TIMP2: variants seen among roughly 807,000 people sequenced by gnomAD.
TIMP2 encodes TIMP metallopeptidase inhibitor 2, also known as metalloproteinase inhibitor 2.
Under a neutral mutation model 24.3 loss-of-function variants are expected in TIMP2, and 5 were observed. That is an observed-to-expected ratio of 0.21 (90% CI 0.11 to 0.43). The LOEUF (loss-of-function observed/expected upper bound fraction) is 0.43, where lower values mean the gene tolerates loss of function less well. Ranked by LOEUF, TIMP2 falls within the 20% of genes least tolerant of loss-of-function variation. The pLI, the probability that TIMP2 is intolerant of heterozygous loss-of-function variation, is 1.00. For synonymous variants in TIMP2, 130 were observed against 123.2 expected (o/e 1.06, Z -0.37); for missense variants, 221 against 297.5 (o/e 0.74, Z 1.89).
chr17:78,879,054 G>A (rs1409040354), intron 1 of TIMP2, among the ~76,000 whole-genome samples: 1 of 152,216 alleles, frequency 6.6e-6, no homozygotes, highest in East Asian at 1.9e-4. Flanking sequence ...GATCTGCACC[G>A]CTGACCTGCT....
intron 1 of TIMP2, chr17:78,897,428 T>G (rs1188052170): frequency 6.6e-6 from 1 of 152,260 alleles, no homozygotes; most frequent in East Asian, 1.9e-4. Flanking sequence ...ACCAGGTGCA[T>G]AGTCCTGCGG....
intron 1 of TIMP2, among the ~76,000 whole-genome samples, chr17:78,894,993 AAAG>A (rs1382337138): frequency 2.0e-5 from 3 of 152,148 alleles, no homozygotes; most frequent in East Asian, 3.9e-4. Flanking sequence ...AAAATCAGCA[AAAG>A]AAGGACAGGT....
intron 1 of TIMP2, among the ~76,000 whole-genome samples, chr17:78,876,524 A>G (rs2069729371): frequency 6.6e-6 from 1 of 151,356 alleles, no homozygotes; most frequent in Non-Finnish European, 1.5e-5. Context: ...ATTACCATAT[A>G]TATTTTTTTG....
At chr17:78,915,778 C>T (rs2070252362) in intron 1 of TIMP2, among the ~76,000 whole-genome samples, 3 of 152,190 alleles carry the variant, frequency 2.0e-5, no homozygotes, top group Admixed American at 6.5e-5. Flanking sequence ...CCTCGGCCTC[C>T]CCAAGTGCTG....
intron 1 of TIMP2, among the ~76,000 whole-genome samples, chr17:78,881,399 C>G (rs1032942669): frequency 6.6e-6 from 1 of 152,242 alleles, no homozygotes; most frequent in Non-Finnish European, 1.5e-5. Context: ...AAAGACCCTA[C>G]TGGCCCACAT....
At chr17:78,867,567 T>TGAG (rs2069627961) in intron 3 of TIMP2, among the ~76,000 whole-genome samples, 1 of 151,386 alleles carries the variant, frequency 6.6e-6, no homozygotes, top group South Asian at 2.1e-4. Context: ...CTTGGACCTG[T>TGAG]GAGAGTCTCT....
chr17:78,884,933 G>A (rs555626353), intron 1 of TIMP2, among the ~76,000 whole-genome samples: 32 of 152,340 alleles, frequency 2.1e-4, no homozygotes, highest in Admixed American at 1.1e-3. Context: ...GAAGATGGAC[G>A]CCCCAGGGCA....
chr17:78,873,898 C>T lies in TIMP2; in HGVS notation c.152G>A (p.Ser51Asn). 1.2e-6 allele frequency: 2 copies of T among 1,613,470 alleles called. No homozygotes were observed. The highest frequency in any genetic ancestry group is 1.7e-6 in the Non-Finnish European group (2 of 1,180,004). Residue 51 changes from serine (S) to asparagine (N), a missense_variant, in exon 2 of 5, where the codon AGT (serine) becomes AAT (asparagine). Coordinates refer to ENST00000262768, the MANE Select transcript of TIMP2 (RefSeq NM_003255.5). ...GTTTCCAGAGTCCACTTCCTTCTCA[C>T]TGACCGCTTTGGCCCTGATCACTGC... ...ADVVIRAKAV[S>N]EKEVDSGNDI...
At chr17:78,915,374 T>C (rs2070247214) in intron 1 of TIMP2, among the ~76,000 whole-genome samples, 1 of 152,034 alleles carries the variant, frequency 6.6e-6, no homozygotes, top group Non-Finnish European at 1.5e-5. Context: ...CAGGAGCTCC[T>C]CTCCCTCCTC....
At chr17:78,882,624 C>T (rs2889530) in intron 1 of TIMP2, among the ~76,000 whole-genome samples, 119,310 of 152,174 alleles carry the variant, frequency 0.78, 47,144 homozygotes, top group Admixed American at 0.83. Flanking sequence ...AGGATGGGGC[C>T]GACCTCGCCA....
chr17:78,871,590 T>G (rs1423268583), intron 2 of TIMP2, among the ~76,000 whole-genome samples: 2 of 151,972 alleles, frequency 1.3e-5, no homozygotes, highest in East Asian at 3.9e-4. Flanking sequence ...CTCACACCAG[T>G]AATCCCAGCA....
At chr17:78,881,140 A>G (rs2069776371) in intron 1 of TIMP2, among the ~76,000 whole-genome samples, 1 of 152,234 alleles carries the variant, frequency 6.6e-6, no homozygotes, top group African/African-American at 2.4e-5. Flanking sequence ...TTGTGTGCAC[A>G]CTGACTCGGA....
chr17:78,873,585 G>A (rs952483364), intron 2 of TIMP2, among the ~76,000 whole-genome samples: 2 of 152,200 alleles, frequency 1.3e-5, no homozygotes, highest in African/African-American at 2.4e-5. Context: ...GAGCCGCAAC[G>A]CCCGGACAGG....
chr17:78,869,219 A>G (rs988068096), intron 3 of TIMP2, among the ~76,000 whole-genome samples: 11 of 151,656 alleles, frequency 7.3e-5, no homozygotes, highest in African/African-American at 2.7e-4. Flanking sequence ...CTCGGAGTTC[A>G]AGACCAGCCT....
intron 1 of TIMP2, among the ~76,000 whole-genome samples, chr17:78,885,839 G>C (rs1220934985): frequency 2.0e-5 from 3 of 152,178 alleles, no homozygotes; most frequent in Admixed American, 1.3e-4. Flanking sequence ...GGAGGCTCTG[G>C]GTGGAGGCAT....
chr17:78,891,085 C>T lies in TIMP2; in HGVS notation c.131-17166G>A, dbSNP rs1186648720. 6.4e-7 allele frequency: 1 copy of T among 1,550,920 alleles called. No homozygotes were observed. The highest frequency in any genetic ancestry group is 1.4e-5 in the African/African-American group (1 of 73,162). On this transcript the variant is annotated intron_variant, in intron 1 of 4. Coordinates refer to ENST00000262768, the MANE Select transcript of TIMP2 (RefSeq NM_003255.5). This position sits in a 1 kb window ranked among gnomAD's most constrained non-coding sequence, Gnocchi z 4.5. Reference sequence around the variant, plus strand: ...CTGCCAGCGTGCCCAGTTTGGGGGTCTCTTGTCCAGATTCAGTGCTATACA... The same window carrying T: ...CTGCCAGCGTGCCCAGTTTGGGGGTTTCTTGTCCAGATTCAGTGCTATACA...
intron 1 of TIMP2, among the ~76,000 whole-genome samples, chr17:78,906,276 G>C (rs1427308783): frequency 6.6e-6 from 1 of 152,150 alleles, no homozygotes; most frequent in African/African-American, 2.4e-5. Flanking sequence ...GCTGAGGCAG[G>C]AGGATGGCTT....
chr17:78,911,931 G>A (rs1383766088), intron 1 of TIMP2, among the ~76,000 whole-genome samples: 2 of 150,340 alleles, frequency 1.3e-5, no homozygotes, highest in African/African-American at 4.9e-5. Context: ...GGGCATGGTG[G>A]CACACGCCTG....
intron 1 of TIMP2, among the ~76,000 whole-genome samples, chr17:78,922,593 G>A (rs886781252): frequency 1.5e-4 from 23 of 152,182 alleles, no homozygotes; most frequent in Non-Finnish European, 2.5e-4. Context: ...TGAGGCAGGC[G>A]GATCACCTGA....
Sources: allele counts gnomAD v4.1 joint callset (sites outside exome capture counted in the v4.1 genomes callset), GRCh38; gene constraint gnomAD v4.1.1; non-coding constraint Gnocchi (gnomAD v3.1); transcripts MANE v1.5; gene names NCBI Gene and HGNC (gene_info 2026-07-23, HGNC 2026-07-21).